Variants in GAD1 observed in about 807,000 individuals in gnomAD.
The protein encoded by GAD1 is 67 kDa glutamic acid decarboxylase.
In GAD1, 35 loss-of-function variants were observed where a neutral mutation model predicts 75.2. The ratio of observed to expected loss-of-function variants is 0.47; its 90% confidence interval spans 0.36 to 0.62. The LOEUF (loss-of-function observed/expected upper bound fraction) is 0.62. GAD1 is among the 20% of genes least tolerant of loss of function. GAD1 has a pLI of 0.00. For synonymous variants in GAD1, 257 were observed against 271.9 expected (o/e 0.95, Z 0.54); for missense variants, 490 against 758.5 (o/e 0.65, Z 4.16).
At chr2:170,816,763 G>C (rs1575418888), upstream of GAD1, 1 of 152,644 alleles carries the variant, frequency 6.6e-6, no homozygotes, top group Non-Finnish European at 1.5e-5. Context: ...GAGGAGCCCC[G>C]CCGCTCCGCC....
intron 16 of GAD1, 86 bp from the exon 17 acceptor site, chr2:170,859,623 T>C (rs2105816742): frequency 6.0e-6 from 8 of 1,335,156 alleles, no homozygotes; most frequent in Non-Finnish European, 8.5e-6. Context: ...TAAACACAAA[T>C]AGTAAAATGC....
At chr2:170,849,036 C>T (rs762542842) in intron 11 of GAD1, 2 of 558,552 alleles carry the variant, frequency 3.6e-6, no homozygotes, top group South Asian at 1.9e-5. Flanking sequence ...AGAACAGGCA[C>T]CTCAGGCTCA....
chr2:170,849,910 G>A (rs1250774611), intron 12 of GAD1, among the ~76,000 whole-genome samples: 1 of 152,206 alleles, frequency 6.6e-6, no homozygotes, highest in Non-Finnish European at 1.5e-5. Context: ...GAAAGGGCAG[G>A]ACACTCAGCT....
At chr2:170,815,878 G>A (rs939860636), upstream of GAD1, among the ~76,000 whole-genome samples, 19 of 152,230 alleles carry the variant, frequency 1.2e-4, no homozygotes, top group Non-Finnish European at 1.2e-4. Context: ...GGAGCGCAGG[G>A]CCTCTCCGTC....
At chr2:170,822,191 C>T (rs775882425) in intron 3 of GAD1, 42 bp downstream of exon 3, 10 of 1,559,910 alleles carry the variant, frequency 6.4e-6, no homozygotes, top group East Asian at 2.3e-5. Flanking sequence ...GGTGGCGCGG[C>T]GGGCGGACCT....
At chr2:170,842,731 T>C in intron 6 of GAD1, 1 of 1,582,760 alleles carries the variant, frequency 6.3e-7, no homozygotes, top group East Asian at 2.2e-5. Context: ...ACATATTCTT[T>C]TTGGAAATAA....
intron 10 of GAD1, among the ~76,000 whole-genome samples, chr2:170,846,494 G>C (rs1702636256): frequency 6.6e-6 from 1 of 152,216 alleles, no homozygotes; most frequent in Non-Finnish European, 1.5e-5. Context: ...GGCACATCCA[G>C]CCTCAACAAA....
chr2:170,849,849 G>A (rs926617308), intron 12 of GAD1, among the ~76,000 whole-genome samples: 2 of 152,378 alleles, frequency 1.3e-5, no homozygotes, highest in African/African-American at 4.8e-5. Flanking sequence ...CAAGGGCACA[G>A]GAAGGGCCAC....
rs531573575 is a variant in GAD1 at position 170,860,618 on chromosome 2, C to T, written c.*736C>T. On this transcript the variant is annotated 3_prime_UTR_variant, in exon 17 of 17. Transcript: ENST00000358196. Reference sequence around the variant, plus strand: ...TCAGAGATGTACCATGTTAAAGAGGCGTCTTGTATTTTCTTCCCATTTGTA... The same window carrying T: ...TCAGAGATGTACCATGTTAAAGAGGTGTCTTGTATTTTCTTCCCATTTGTA... 4 of 152,614 alleles carry T rather than the reference C, an allele frequency of 2.6e-5. No homozygotes were observed. The highest frequency in any genetic ancestry group is 9.6e-5 in the African/African-American group (4 of 41,522). The allele number at this position is 152,614 out of a possible 1,614,324, so 9.5% of individuals were successfully genotyped here. A position where few individuals can be genotyped will look rare whatever the true frequency, so the allele number is the denominator to read the frequency against.
intron 3 of GAD1, among the ~76,000 whole-genome samples, chr2:170,828,526 TCTCCTCCCTCTGCTGTCCTCACC>T (rs1702105743): frequency 1.6e-5 from 1 of 60,746 alleles, no homozygotes; most frequent in African/African-American, 6.4e-5. Flanking sequence ...CTGTCCTTGC[TCTCCTCCCTCTGCTGTCCTCACC>T]CTCCTACCTC....
At chr2:170,819,894 G>A (rs1199092279) in intron 2 of GAD1, among the ~76,000 whole-genome samples, 3 of 152,258 alleles carry the variant, frequency 2.0e-5, no homozygotes, top group Non-Finnish European at 2.9e-5. Context: ...ATTGGCTCCC[G>A]GGCAGGAGGT....
chr2:170,837,201 C>A (rs1463066236), intron 6 of GAD1, among the ~76,000 whole-genome samples: 1 of 152,246 alleles, frequency 6.6e-6, no homozygotes, highest in East Asian at 1.9e-4. Context: ...GAGGTATGAT[C>A]TTGGTTTTAC....
chr2:170,845,282 C>T, intron 7 of GAD1: 1 of 602,116 alleles, frequency 1.7e-6, no homozygotes, highest in Non-Finnish European at 3.0e-6. Context: ...TCACCTCCAG[C>T]CAAATTGCCT....
At chr2:170,832,452 C>A (rs1575432971) in intron 5 of GAD1, among the ~76,000 whole-genome samples, 1 of 152,282 alleles carries the variant, frequency 6.6e-6, no homozygotes, top group African/African-American at 2.4e-5. Context: ...GATTAAGGCC[C>A]ACCCCAATCC....
chr2:170,843,954 A>G, intron 6 of GAD1, 91 bp from the exon 7 acceptor site: 4 of 758,194 alleles, frequency 5.3e-6, no homozygotes, highest in Non-Finnish European at 7.1e-6. Context: ...TTAGAACCCA[A>G]CTACAAATAC....
At chr2:170,857,216 T>C (rs575573133) in intron 15 of GAD1, 91 bp downstream of exon 15, 1 of 965,610 alleles carries the variant, frequency 1.0e-6, no homozygotes, top group Middle Eastern at 2.1e-4. Context: ...GGAAAATCAA[T>C]CCCATGTTGC....
chr2:170,852,889 C>T (rs892129453), intron 13 of GAD1, 97 bp downstream of exon 13: 10 of 1,060,924 alleles, frequency 9.4e-6, no homozygotes, highest in Non-Finnish European at 1.3e-5. Context: ...TGTTGGCTGA[C>T]TCACGAGATT....
intron 10 of GAD1, 101 bp from the exon 11 acceptor site, chr2:170,847,575 T>A (rs1047507274): frequency 1.2e-6 from 1 of 861,420 alleles, no homozygotes; most frequent in African/African-American, 1.7e-5. Context: ...TTTTGCCATT[T>A]ACTGTTAGAA....
chr2:170,842,909 C>T, intron 6 of GAD1: 1 of 552,592 alleles, frequency 1.8e-6, no homozygotes, highest in South Asian at 2.1e-5. Context: ...CTTTGCCTTA[C>T]ATTAAGCAAG....
Sources: allele counts gnomAD v4.1 joint callset (sites outside exome capture counted in the v4.1 genomes callset), GRCh38; gene constraint gnomAD v4.1.1; transcripts MANE v1.5; gene names NCBI Gene and HGNC (gene_info 2026-07-23, HGNC 2026-07-21).